WDR97: variants seen among roughly 807,000 people sequenced by gnomAD.
The protein encoded by WDR97 is WD repeat-containing protein 97.
WDR97 carries 111 observed loss-of-function variants against 65.4 expected under a neutral mutation model. The observed-to-expected ratio is 1.70, with a 90% CI of 1.45 to 1.99. The LOEUF (loss-of-function observed/expected upper bound fraction) is 1.99. Ranked by LOEUF, WDR97 falls within the 30% of genes most tolerant of loss-of-function variation. The pLI is 0.00. For synonymous variants in WDR97, 802 were observed against 397.7 expected (o/e 2.02, Z -12.10); for missense variants, 1,674 against 865.0 (o/e 1.94, Z -11.73).
At position 144,111,446 on chromosome 8, in the gene WDR97, A is replaced by G. The variant is rs964839789; in HGVS notation, c.2447A>G (p.His816Arg). The change falls in exon 11 of 24, where the codon CAT (histidine) becomes CGT (arginine). Residue 816 changes from histidine to arginine, a missense_variant. Physicochemically the swap from His to Arg is conservative, Grantham distance 29 (BLOSUM62 0). Coordinates refer to ENST00000323662, the MANE Select transcript of WDR97 (RefSeq NM_001316309.2). ...TGCAGCGAGGCCTTGTCTCTCATCC[A>G]TCGTCGGAGGGCAACATCTCAGCAC... is the stretch of plus-strand genomic sequence containing the variant. ...ASLSEALSLI[H>R]RRRATSQHLV... is the part of the protein sequence containing the mutation. The G allele has an allele frequency of 1.4e-5, 10 of 702,558 alleles. No individual in the cohort carries two copies. The highest frequency in any genetic ancestry group is 7.8e-6 in the Non-Finnish European group (3 of 384,926). 43.5% of individuals were successfully genotyped at this position (702,558 alleles called of 1,614,324 possible).
chr8:144,110,621 G>A (rs188148479), intron 7 of WDR97, 28 bp from the exon 8 acceptor site: 6 of 702,776 alleles, frequency 8.5e-6, no homozygotes, highest in South Asian at 7.4e-5. Context: ...GCCCAGCTCC[G>A]GTTCCTGACC....
At position 144,109,751 on chromosome 8, in the gene WDR97, C is replaced by T. The variant is rs947806718; in HGVS notation, c.1417C>T (p.Pro473Ser). The T allele has an allele frequency of 4.7e-5, 32 of 680,272 alleles. No homozygotes were observed. The highest frequency in any genetic ancestry group is 7.7e-5 in the Non-Finnish European group (29 of 376,252). 42.1% of individuals were successfully genotyped at this position (680,272 alleles called of 1,614,324 possible). The change falls in exon 5 of 24, where the codon CCG (proline) becomes TCG (serine). Residue 473 changes from proline (P) to serine (S), a missense_variant. Pro to Ser is a moderately conservative substitution (Grantham distance 74). Transcript: ENST00000323662. ...GRIVSSLLLE[P>S]EDCAAAVAYC... The stretch of plus-strand genomic sequence containing the variant: ...CATAGTGAGCTCACTGCTGCTGGAG[C>T]CGGAGGACTGCGCGGCAGCCGTGGC...
rs779482782 is a variant in WDR97, at chr8:144,109,659, T to C, written c.1325T>C (p.Leu442Pro). 3 of 669,736 alleles carry C rather than the reference T, an allele frequency of 4.5e-6. No homozygotes were observed. The highest frequency in any genetic ancestry group is 3.1e-5 in the South Asian group (2 of 63,948). The allele number at this position is 669,736 out of a possible 1,614,324, so 41.5% of individuals were successfully genotyped here. A position where few individuals can be genotyped will look rare whatever the true frequency, so the allele number is the denominator to read the frequency against. The change falls in exon 5 of 24, where the codon CTG becomes CCG. Residue 442 changes from leucine to proline, a missense_variant. Leu to Pro is a moderately conservative substitution (Grantham distance 98, BLOSUM62 -3). Transcript: ENST00000323662. ...PALPAPAHQS[L>P]PTRLVCACAD... ...TTGCCCGCGCCTGCGCACCAGTCGC[T>C]GCCTACGCGCCTCGTGTGCGCGTGC...
Position 144,107,839 on chromosome 8 carries a change from C to G in WDR97, c.89C>G (p.Pro30Arg). 1 of 702,852 alleles carries G rather than the reference C, an allele frequency of 1.4e-6. No homozygotes were observed. The highest frequency in any genetic ancestry group is 2.6e-6 in the Non-Finnish European group (1 of 385,004). The allele number at this position is 702,852 out of a possible 1,614,324, so 43.5% of individuals were successfully genotyped here. ...GCGGATGGCTATGATGTCCCAGACC[C>G]TGGGCTGCTCACCGAAAAGAATGGT... is the stretch of plus-strand genomic sequence containing the variant. Reference protein sequence around the residue: ...YDADGYDVPDPGLLTEKNELT... With the variant: ...YDADGYDVPDRGLLTEKNELT... The change falls in exon 1 of 24, where the codon CCT becomes CGT. Residue 30 changes from proline to arginine, a missense_variant. Coordinates refer to ENST00000323662, the MANE Select transcript of WDR97 (RefSeq NM_001316309.2).
In WDR97 at chr8:144,114,394, C is replaced by A; in HGVS notation, c.3711C>A (p.Pro1237=). Residue 1237 remains proline (P), a synonymous_variant, in exon 19 of 24, where the codon CCC becomes CCA. Coordinates refer to ENST00000323662, the MANE Select transcript of WDR97 (RefSeq NM_001316309.2). Reference sequence around the variant, plus strand: ...TGCAGGTGCTACTGAGACTGCTGCCCAACATGAGCAGTGATCTCCAAGGCC... The same window carrying A: ...TGCAGGTGCTACTGAGACTGCTGCCAAACATGAGCAGTGATCTCCAAGGCC... The part of the protein sequence containing the change: ...HILQVLLRLL[P]NMSSDLQGQL... The A allele has an allele frequency of 1.4e-6, 1 of 702,844 alleles. No homozygotes were observed. Among genetic ancestry groups the A allele is most frequent in the Non-Finnish European group, 2.6e-6 (1 of 384,992 alleles). 43.5% of individuals were successfully genotyped at this position (702,844 alleles called of 1,614,324 possible).
rs746634975 is a variant in WDR97, at chr8:144,116,748, C to A, written c.*455C>A. 8.3e-5 allele frequency: 13 copies of A among 157,488 alleles called. No homozygotes were observed. The highest frequency in any genetic ancestry group is 1.5e-4 in the Non-Finnish European group (11 of 71,886). 9.8% of individuals were successfully genotyped at this position (157,488 alleles called of 1,614,324 possible). On this transcript the variant is annotated 3_prime_UTR_variant, in exon 24 of 24. Coordinates refer to ENST00000323662, the MANE Select transcript of WDR97 (RefSeq NM_001316309.2). The stretch of plus-strand genomic sequence containing the variant: ...GCAGGTGAGACCAGGAGTTTGCAGA[C>A]CTTGCTTTCGTTACTTTTATTCTGG...
rs1836471774 is a variant in WDR97 at position 144,108,783 on chromosome 8, G to A, written c.717G>A (p.Leu239=). 1 of 702,338 alleles carries A rather than the reference G, an allele frequency of 1.4e-6. No homozygotes were observed. Among genetic ancestry groups the A allele is most frequent in the Admixed American group, 2.0e-5 (1 of 49,988 alleles). The allele number at this position is 702,338 out of a possible 1,614,324, so 43.5% of individuals were successfully genotyped here. ...GCCTGGTGCTGCGAGGGTCAGCACTGCACCCGCCCCCGAGCCCAACAGGCA... is the reference window on the plus strand; with the variant it reads ...GCCTGGTGCTGCGAGGGTCAGCACTACACCCGCCCCCGAGCCCAACAGGCA... The part of the protein sequence containing the change: ...GRRLVLRGSA[L]HPPPSPTGRL... Residue 239 remains leucine, a synonymous_variant, in exon 3 of 24, where the codon CTG becomes CTA. Transcript: ENST00000323662.
chr8:144,113,925 CT>C, intron 17 of WDR97, 44 bp downstream of exon 17: 1 of 692,178 alleles, frequency 1.4e-6, no homozygotes, highest in Non-Finnish European at 2.6e-6. Flanking sequence ...GGGAGGTGGG[CT>C]TACACTGAGA....
At chr8:144,113,163 G>A in intron 15 of WDR97, 2 of 533,296 alleles carry the variant, frequency 3.8e-6, no homozygotes, top group Non-Finnish European at 6.6e-6. Flanking sequence ...TAAGGAGCTT[G>A]CAGGGTGTCA....
At position 144,116,341 on chromosome 8, in the gene WDR97, AT is replaced by A. The variant is rs1227416217; in HGVS notation, c.*51del. The A allele has an allele frequency of 5.1e-6, 3 of 582,812 alleles. No individual in the cohort carries two copies. The East Asian group carries it at 8.7e-5, about 17-fold the overall frequency. 36.1% of individuals were successfully genotyped at this position (582,812 alleles called of 1,614,324 possible). Reference sequence around the variant, plus strand: ...CCTGGCTCTGGGGCCTGTCATTGGTATTTGGCCAAGGCCTGCATCGGGAATA... The same window carrying A: ...CCTGGCTCTGGGGCCTGTCATTGGTATTGGCCAAGGCCTGCATCGGGAATA... On this transcript the variant is annotated 3_prime_UTR_variant, in exon 24 of 24. Transcript: ENST00000323662.
rs1836510294 is a variant in WDR97, at chr8:144,109,897, G to A, written c.1563G>A (p.Ala521=). 4 of 701,534 alleles carry A rather than the reference G, an allele frequency of 5.7e-6. No individual in the cohort carries two copies. The highest frequency in any genetic ancestry group is 1.7e-5 in the African/African-American group (1 of 57,182). 43.5% of individuals were successfully genotyped at this position (701,534 alleles called of 1,614,324 possible). A position where few individuals can be genotyped will look rare whatever the true frequency, so the allele number is the denominator to read the frequency against. Residue 521 remains alanine, a synonymous_variant, in exon 5 of 24, where the codon GCG becomes GCA. Coordinates refer to ENST00000323662, the MANE Select transcript of WDR97 (RefSeq NM_001316309.2). ...LHRVCPPPPP[A]PQPCCLHLYS... is the part of the protein sequence containing the mutation. Reference sequence around the variant, plus strand: ...GCGTGTGCCCGCCGCCGCCCCCTGCGCCGCAGCCTTGCTGTCTGCACCTGT... The same window carrying A: ...GCGTGTGCCCGCCGCCGCCCCCTGCACCGCAGCCTTGCTGTCTGCACCTGT...
Position 144,116,174 on chromosome 8 carries a change from C to A in WDR97, c.4750C>A (p.Pro1584Thr). 1 of 700,440 alleles carries A rather than the reference C, an allele frequency of 1.4e-6. No homozygotes were observed. The highest frequency in any genetic ancestry group is 2.6e-6 in the Non-Finnish European group (1 of 383,726). 43.4% of individuals were successfully genotyped at this position (700,440 alleles called of 1,614,324 possible). ...GAAGCTGCCGTTGCCGCGTGTGGAG[C>A]CGCAGCCTTTCCCCCTGGACTGGCC... ...TLKLPLPRVE[P>T]QPFPLDWPMP... The change falls in exon 24 of 24, where the codon CCG becomes ACG. Residue 1584 changes from proline to threonine, a missense_variant. By Grantham distance (38) the Pro-to-Thr change is conservative (BLOSUM62 -1). Transcript: ENST00000323662.
Position 144,112,210 on chromosome 8 carries a change from C to A in WDR97, c.2896-14C>A. The A allele has an allele frequency of 1.4e-6, 1 of 702,332 alleles. No homozygotes were observed. The highest frequency in any genetic ancestry group is 2.6e-6 in the Non-Finnish European group (1 of 384,714). The allele number at this position is 702,332 out of a possible 1,614,324, so 43.5% of individuals were successfully genotyped here. On this transcript the variant is annotated splice_polypyrimidine_tract_variant and intron_variant, in intron 13 of 23. Coordinates refer to ENST00000323662, the MANE Select transcript of WDR97 (RefSeq NM_001316309.2). ...TGACCCCTCTGCCACCCTGTGACTCCTCCTATGCCCCAGCTTCTGGCCCGC... is the reference window on the plus strand; with the variant it reads ...TGACCCCTCTGCCACCCTGTGACTCATCCTATGCCCCAGCTTCTGGCCCGC...
At position 144,114,323 on chromosome 8, in the gene WDR97, G is replaced by A. The variant is rs1242763065; in HGVS notation, c.3640G>A (p.Val1214Met). The A allele has an allele frequency of 2.8e-6, 2 of 702,646 alleles. No homozygotes were observed. Among genetic ancestry groups the A allele is most frequent in the Non-Finnish European group, 5.2e-6 (2 of 384,890 alleles). The allele number at this position is 702,646 out of a possible 1,614,324, so 43.5% of individuals were successfully genotyped here. ...GATCGAGGGCCTGGCCTCGCTGTTGGTGGCCCTGCTGGAGAAGACCACGTG... is the reference window on the plus strand; with the variant it reads ...GATCGAGGGCCTGGCCTCGCTGTTGATGGCCCTGCTGGAGAAGACCACGTG... ...GTIEGLASLL[V>M]ALLEKTTWVD... The change falls in exon 19 of 24, where the codon GTG becomes ATG. Residue 1214 changes from valine to methionine, a missense_variant. By Grantham distance (21) the Val-to-Met change is conservative. Coordinates refer to ENST00000323662, the MANE Select transcript of WDR97 (RefSeq NM_001316309.2).
In WDR97 at chr8:144,110,846, C is replaced by T. The variant is rs535613226; in HGVS notation, c.2172-18C>T. 1 of 702,684 alleles carries T rather than the reference C, an allele frequency of 1.4e-6. No individual in the cohort carries two copies. The highest frequency in any genetic ancestry group is 2.6e-6 in the Non-Finnish European group (1 of 384,854). 43.5% of individuals were successfully genotyped at this position (702,684 alleles called of 1,614,324 possible). On this transcript the variant is annotated intron_variant, in intron 8 of 23. Coordinates refer to ENST00000323662, the MANE Select transcript of WDR97 (RefSeq NM_001316309.2). ...CCTTGTCCCTGCTGAGCCTCGGCTG[C>T]CCTGGGTGCCTCTCCAGGCTCCTGC...
rs781317202 is a variant in WDR97 at position 144,111,953 on chromosome 8, C to T, written c.2704C>T (p.Arg902Trp). ...GACCCTCAGAGTGGAGAGAGAGACC[C>T]GGGATGTGTGTGCTGTACCCCAAGC... ...AGTLRVERETRDVCAVPQAAH... is the reference protein window; with the variant it reads ...AGTLRVERETWDVCAVPQAAH... The change falls in exon 13 of 24, where the codon CGG (arginine) becomes TGG (tryptophan). Residue 902 changes from arginine (R) to tryptophan (W), a missense_variant. Physicochemically the swap from Arg to Trp is moderately radical, Grantham distance 101 (BLOSUM62 -3). Transcript: ENST00000323662. 80 of 702,378 alleles carry T rather than the reference C, an allele frequency of 1.1e-4. No homozygotes were observed. Among genetic ancestry groups the T allele is most frequent in the Admixed American group, 7.2e-4 (36 of 49,968 alleles). The allele number at this position is 702,378 out of a possible 1,614,324, so 43.5% of individuals were successfully genotyped here. A position where few individuals can be genotyped will look rare whatever the true frequency, so the allele number is the denominator to read the frequency against.
Position 144,111,081 on chromosome 8 carries a change from A to G in WDR97, c.2305-20A>G, listed in dbSNP as rs1217310383. 2 of 702,794 alleles carry G rather than the reference A, an allele frequency of 2.8e-6. No individual in the cohort carries two copies. Among genetic ancestry groups the G allele is most frequent in the Non-Finnish European group, 5.2e-6 (2 of 384,978 alleles). 43.5% of individuals were successfully genotyped at this position (702,794 alleles called of 1,614,324 possible). On this transcript the variant is annotated intron_variant, in intron 9 of 23. Transcript: ENST00000323662. ...CCCAGGTTCCCCCAGCCAGGGATAC[A>G]GGCTCCTTCCCCTATTCAGAAGATG...
Position 144,114,740 on chromosome 8 carries a change from C to T in WDR97, c.3915-9C>T. ...AGGCCTCTGGACAAGCCACATGCAC[C>T]TGTCCCAGGCCAGAGCTCAAGAAGC... On this transcript the variant is annotated splice_polypyrimidine_tract_variant and intron_variant, in intron 20 of 23. Coordinates refer to ENST00000323662, the MANE Select transcript of WDR97 (RefSeq NM_001316309.2). 1.4e-6 allele frequency: 1 copy of T among 702,068 alleles called. No individual in the cohort carries two copies. Among genetic ancestry groups the T allele is most frequent in the Non-Finnish European group, 2.6e-6 (1 of 384,552 alleles). The allele number at this position is 702,068 out of a possible 1,614,324, so 43.5% of individuals were successfully genotyped here. A position where few individuals can be genotyped will look rare whatever the true frequency, so the allele number is the denominator to read the frequency against.
At position 144,112,455 on chromosome 8, in the gene WDR97, G is replaced by C. The variant is rs937019294; in HGVS notation, c.3030G>C (p.Leu1010=). The C allele has an allele frequency of 2.8e-5, 20 of 702,670 alleles. No homozygotes were observed. The Admixed American group carries it at 3.8e-4, about 13-fold the overall frequency. The allele number at this position is 702,670 out of a possible 1,614,324, so 43.5% of individuals were successfully genotyped here. The change falls in exon 15 of 24, where the codon CTG becomes CTC. Residue 1010 remains leucine, a synonymous_variant. Transcript: ENST00000323662. ...CCCATTCCATCCCCCAGATCCCACT[G>C]CTGCCAAAGAGATGGGACAAGGAAC... is the stretch of plus-strand genomic sequence containing the variant. ...PSSHLQCRIP[L]LPKRWDKEPL...
Sources: gnomAD v4.1 joint callset for allele counts on GRCh38, gnomAD v4.1.1 for gene constraint, MANE v1.5 for transcripts, NCBI Gene and HGNC (gene_info 2026-07-23, HGNC 2026-07-21) for gene names.